The following LAMA2 variants were observed in gnomAD, a reference collection of about 807,000 sequenced individuals.
LAMA2 encodes the protein laminin subunit alpha-2.
In LAMA2, 269 loss-of-function variants were observed where a neutral mutation model predicts 364.8. The observed-to-expected ratio is 0.74, with a 90% CI of 0.67 to 0.82. The LOEUF (loss-of-function observed/expected upper bound fraction) is 0.82. LAMA2 is among the 40% of genes least tolerant of loss of function. The probability of loss-of-function intolerance (pLI) is 0.00; values close to 1 mark genes in which losing one functional copy is unlikely to be tolerated. For synonymous variants in LAMA2, 1,379 were observed against 1,370.6 expected (o/e 1.01, Z -0.14); for missense variants, 3,807 against 3,873.2 (o/e 0.98, Z 0.45).
intron 12 of LAMA2, among the ~76,000 whole-genome samples, chr6:129,235,089 C>T (rs893920376): frequency 2.6e-5 from 4 of 152,038 alleles, no homozygotes; most frequent in Admixed American, 2.0e-4. Flanking sequence ...ACTTAGTTTG[C>T]CTATCTGAGC....
chr6:129,442,106 G>A, intron 43 of LAMA2: 1 of 727,520 alleles, frequency 1.4e-6, no homozygotes, highest in Non-Finnish European at 2.1e-6. Flanking sequence ...CATTTTTGGG[G>A]GGGTATCAAA....
intron 19 of LAMA2, among the ~76,000 whole-genome samples, chr6:129,289,416 G>A (rs1001476661): frequency 5.9e-5 from 9 of 152,242 alleles, no homozygotes; most frequent in Admixed American, 2.0e-4. Context: ...GGCACATAGA[G>A]GGTATCCAGT....
At chr6:129,235,726 C>T (rs865814475) in intron 12 of LAMA2, among the ~76,000 whole-genome samples, 3 of 152,132 alleles carry the variant, frequency 2.0e-5, no homozygotes, top group Non-Finnish European at 4.4e-5. Context: ...AAATCACCAA[C>T]GCTCTCATGT....
chr6:129,470,496 A>G (rs1321401126), intron 51 of LAMA2, among the ~76,000 whole-genome samples: 1 of 151,930 alleles, frequency 6.6e-6, no homozygotes, highest in East Asian at 1.9e-4. Flanking sequence ...ATTATAAAAC[A>G]TCAACATTTT....
chr6:129,047,511 A>G (rs1301090634), intron 1 of LAMA2, among the ~76,000 whole-genome samples: 1 of 152,178 alleles, frequency 6.6e-6, no homozygotes, highest in Non-Finnish European at 1.5e-5. Context: ...GCCAGATGAG[A>G]GTTGGGGGTC....
At position 129,391,079 on chromosome 6, in the gene LAMA2, C is replaced by T. The variant is rs115413353; in HGVS notation, c.5072-412C>T. On this transcript the variant is annotated intron_variant, in intron 35 of 64. Transcript: ENST00000421865. ...GATCTCATCACTGAGTGTATTTCCA[C>T]ACTCAGTATTTTTAAACTGACTGAT... Among the ~76,000 whole-genome samples the T allele has an allele frequency of 2.6e-3, 389 of 152,290 alleles. 3 individuals carry two copies. The highest frequency in any genetic ancestry group is 8.8e-3 in the African/African-American group (365 of 41,554).
chr6:129,507,718 A>G, intron 62 of LAMA2, 76 bp downstream of exon 62: 2 of 1,447,784 alleles, frequency 1.4e-6, no homozygotes, highest in Non-Finnish European at 1.9e-6. Context: ...ACCAAATAAT[A>G]AAAGTTCCTA....
chr6:129,102,429 C>T (rs879509451), intron 4 of LAMA2, among the ~76,000 whole-genome samples: 1 of 151,866 alleles, frequency 6.6e-6, no homozygotes, highest in Non-Finnish European at 1.5e-5. Context: ...GCCACTGTGC[C>T]CAGCCTGGTT....
intron 24 of LAMA2, 37 bp downstream of exon 24, chr6:129,314,835 T>A (rs758531620): frequency 9.9e-6 from 16 of 1,610,566 alleles, no homozygotes; most frequent in South Asian, 2.2e-5. Flanking sequence ...AATGGTATAA[T>A]GTTAGTTCCT....
rs200129656 is a variant in LAMA2, at chr6:129,210,024, A to AAAAT, written c.1782+17172_1782+17173insAATA. ...ATCTCAAAAAAAAAAAAAAAAAAAA[A>AAAAT]ATTTTTACTATTGACCCTTACTCTG... is the stretch of plus-strand genomic sequence containing the variant. On this transcript the variant is annotated intron_variant, in intron 12 of 64. Transcript: ENST00000421865. Among the ~76,000 whole-genome samples, 10 of 145,310 alleles carry AAAAT rather than the reference A, an allele frequency of 6.9e-5. No homozygotes were observed. In the East Asian group the frequency reaches 1.3e-3, roughly 19 times the overall value.
Position 129,353,144 on chromosome 6 carries a change from T to G in LAMA2, c.4524-20T>G. On this transcript the variant is annotated intron_variant, in intron 31 of 64. Coordinates refer to ENST00000421865, the MANE Select transcript of LAMA2 (RefSeq NM_000426.4). Reference sequence around the variant, plus strand: ...TGACTTGCTATTAACCTCTTTTGCTTTGTCACTGTTTCAATTCAGGTGTGC... The same window carrying G: ...TGACTTGCTATTAACCTCTTTTGCTGTGTCACTGTTTCAATTCAGGTGTGC... 1 of 1,602,758 alleles carries G rather than the reference T, an allele frequency of 6.2e-7. No individual in the cohort carries two copies.
intron 4 of LAMA2, among the ~76,000 whole-genome samples, chr6:129,124,313 G>T (rs894723211): frequency 1.3e-5 from 2 of 152,230 alleles, no homozygotes; most frequent in Admixed American, 1.3e-4. Context: ...TTGGAAGGTA[G>T]AGATGATGTC....
chr6:129,238,582 A>T lies in LAMA2; in HGVS notation c.1783-11530A>T, dbSNP rs397689480. Among the ~76,000 whole-genome samples, 9 of 145,056 alleles carry T rather than the reference A, an allele frequency of 6.2e-5. No individual in the cohort carries two copies. In the East Asian group the frequency reaches 1.2e-3, roughly 19 times the overall value. ...GTGTGTGTGTGTGTGTGTGTGAGAG[A>T]GAGAGAGAGAGAGAGAGAGAGAAAG... On this transcript the variant is annotated intron_variant, in intron 12 of 64. Transcript: ENST00000421865.
intron 8 of LAMA2, among the ~76,000 whole-genome samples, chr6:129,160,105 T>A (rs914584320): frequency 2.6e-5 from 4 of 152,176 alleles, no homozygotes; most frequent in African/African-American, 9.6e-5. Flanking sequence ...TGGGGTATAC[T>A]GGCATCAACA....
At chr6:129,216,324 G>T (rs888637884) in intron 12 of LAMA2, among the ~76,000 whole-genome samples, 1 of 152,136 alleles carries the variant, frequency 6.6e-6, no homozygotes, top group Non-Finnish European at 1.5e-5. Context: ...GCTGCCTAGA[G>T]CATAGTCTGG....
In LAMA2 at chr6:129,050,048, G is replaced by T. The variant is rs766642494; in HGVS notation, c.243G>T (p.Pro81=). 7.4e-5 allele frequency: 120 copies of T among 1,614,006 alleles called. No homozygotes were observed. Among genetic ancestry groups the T allele is most frequent in the Non-Finnish European group, 9.8e-5 (116 of 1,180,018 alleles). Residue 81 remains proline (P), a synonymous_variant, in exon 2 of 65, where the codon CCG becomes CCT. Transcript: ENST00000421865. The part of the protein sequence containing the change: ...EHVPGQPVRN[P]QCRICNQNSS... ...TCCCTGGGCAGCCTGTGAGGAACCCGCAGTGTCGAATCTGCAATCAAAACA... is the reference window on the plus strand; with the variant it reads ...TCCCTGGGCAGCCTGTGAGGAACCCTCAGTGTCGAATCTGCAATCAAAACA...
chr6:129,376,750 C>T (rs538942678), intron 34 of LAMA2, among the ~76,000 whole-genome samples: 2 of 152,250 alleles, frequency 1.3e-5, no homozygotes, highest in Admixed American at 1.3e-4. Context: ...TCGTGAAAGC[C>T]CTCTGTGCCA....
intron 1 of LAMA2, among the ~76,000 whole-genome samples, chr6:128,939,318 C>T (rs538681289): frequency 2.6e-5 from 4 of 151,698 alleles, no homozygotes; most frequent in Non-Finnish European, 5.9e-5. Flanking sequence ...GAGGAAAGCA[C>T]CACAAGACCA....
intron 3 of LAMA2, among the ~76,000 whole-genome samples, chr6:129,060,897 C>T (rs1788866107): frequency 6.6e-6 from 1 of 152,150 alleles, no homozygotes; most frequent in Non-Finnish European, 1.5e-5. Flanking sequence ...ATATGGGCCT[C>T]CTCGGGATAT....
Sources: gnomAD v4.1 joint callset for allele counts (sites outside exome capture counted in the v4.1 genomes callset) on GRCh38, gnomAD v4.1.1 for gene constraint, MANE v1.5 for transcripts, NCBI Gene and HGNC (gene_info 2026-07-23, HGNC 2026-07-21) for gene names.